Variants in ACO2 observed in about 807,000 individuals in gnomAD.
ACO2 encodes the protein aconitase 2.
In ACO2, 31 loss-of-function variants were observed where a neutral mutation model predicts 84.5. That is an observed-to-expected ratio of 0.37 (90% CI 0.28 to 0.50). The LOEUF (loss-of-function observed/expected upper bound fraction) is 0.50. Among genes scored for constraint, ACO2 ranks in the 20% least tolerant of loss-of-function variants. The pLI, the probability that ACO2 is intolerant of heterozygous loss-of-function variation, is 0.97. For missense variants in ACO2, 685 were observed against 1,029.3 expected (o/e 0.67, Z 4.58); for synonymous variants, 414 against 412.7 (o/e 1.00, Z -0.04).
intron 3 of ACO2, among the ~76,000 whole-genome samples, chr22:41,509,815 CTTTTT>C (rs137832): frequency 9.3e-6 from 1 of 107,900 alleles, no homozygotes; most frequent in Non-Finnish European, 1.8e-5. Context: ...AGAATATGGT[CTTTTT>C]TTTTTTTTTT....
At position 41,515,514 on chromosome 22, in the gene ACO2, C is replaced by T; in HGVS notation, c.663C>T (p.Pro221=). 6.2e-7 allele frequency: 1 copy of T among 1,612,586 alleles called. No homozygotes were observed. The highest frequency in any genetic ancestry group is 8.5e-7 in the Non-Finnish European group (1 of 1,179,270). ...CTGTGGATGTCATGGCTGGGATCCC[C>T]TGGGAGCTGAAGTGCCCCAAGGTGA... ...ADAVDVMAGI[P]WELKCPKVIG... is the part of the protein sequence containing the mutation. The change falls in exon 5 of 18, where the codon CCC becomes CCT. Residue 221 remains proline (P), a synonymous_variant. Coordinates refer to ENST00000216254, the MANE Select transcript of ACO2 (RefSeq NM_001098.3). The surrounding 1 kb of genome is among the most constrained non-coding windows in gnomAD (Gnocchi z 5.8).
chr22:41,516,049 G>A lies in ACO2; in HGVS notation c.835+132G>A, dbSNP rs1014400996. 10 of 1,170,216 alleles carry A rather than the reference G, an allele frequency of 8.5e-6. No homozygotes were observed. In the African/African-American group the frequency reaches 1.5e-4, roughly 18 times the overall value. The allele number at this position is 1,170,216 out of a possible 1,614,324, so 72.5% of individuals were successfully genotyped here. A position where few individuals can be genotyped will look rare whatever the true frequency, so the allele number is the denominator to read the frequency against. ...TCCATTTGGGGACTTGGGATAGACA[G>A]AGGTAGAAGGAAAATTGGAGACAGC... On this transcript the variant is annotated intron_variant, in intron 6 of 17. Coordinates refer to ENST00000216254, the MANE Select transcript of ACO2 (RefSeq NM_001098.3).
intron 1 of ACO2, among the ~76,000 whole-genome samples, chr22:41,483,129 A>T (rs759297337): frequency 3.9e-5 from 6 of 152,192 alleles, no homozygotes; most frequent in Non-Finnish European, 7.4e-5. Context: ...GGGCGCAGTG[A>T]AAGTATTTCT....
rs760882521 is a variant in ACO2 at position 41,507,901 on chromosome 22, G to T, written c.284G>T (p.Arg95Leu). ...GKSYLRLRPDRVAMQDATAQM... is the reference protein window; with the variant it reads ...GKSYLRLRPDLVAMQDATAQM... ...TCGTACCTGCGGCTGCGGCCGGACCGTGTGGCCATGCAGGATGCGACGGCC... is the reference window on the plus strand; with the variant it reads ...TCGTACCTGCGGCTGCGGCCGGACCTTGTGGCCATGCAGGATGCGACGGCC... Residue 95 changes from arginine to leucine, a missense_variant, in exon 3 of 18, where the codon CGT (arginine) becomes CTT (leucine). Arg to Leu is a moderately radical substitution (Grantham distance 102). Around this residue, in one of 5 missense-constraint regions of ACO2, gnomAD observed 92 missense variants for 203.7 expected, o/e 0.45. Transcript: ENST00000216254. 6.2e-7 allele frequency: 1 copy of T among 1,614,108 alleles called. No individual in the cohort carries two copies. Among genetic ancestry groups the T allele is most frequent in the Non-Finnish European group, 8.5e-7 (1 of 1,180,050 alleles).
chr22:41,507,802 C>T lies in ACO2; in HGVS notation c.185C>T (p.Pro62Leu), dbSNP rs759393809. 12 of 1,613,744 alleles carry T rather than the reference C, an allele frequency of 7.4e-6. No homozygotes were observed. Among genetic ancestry groups the T allele is most frequent in the East Asian group, 2.2e-5 (1 of 44,894 alleles). Residue 62 changes from proline (P) to leucine (L), a missense_variant, in exon 3 of 18, where the codon CCG becomes CTG. Coordinates refer to ENST00000216254, the MANE Select transcript of ACO2 (RefSeq NM_001098.3). ...TCTTCTCCCCACAGACTGAACCGGCCGCTGACACTCTCGGAGAAGATTGTG... is the reference window on the plus strand; with the variant it reads ...TCTTCTCCCCACAGACTGAACCGGCTGCTGACACTCTCGGAGAAGATTGTG... The part of the protein sequence containing the change: ...INIVRKRLNR[P>L]LTLSEKIVYG...
intron 3 of ACO2, among the ~76,000 whole-genome samples, chr22:41,509,938 C>T (rs748562599): frequency 3.4e-5 from 5 of 149,100 alleles, no homozygotes; most frequent in Admixed American, 6.9e-5. Flanking sequence ...TGGGTTCAAG[C>T]GATTCTCATG....
At chr22:41,486,492 A>G (rs2038158407) in intron 1 of ACO2, among the ~76,000 whole-genome samples, 1 of 134,528 alleles carries the variant, frequency 7.4e-6, no homozygotes, top group African/African-American at 3.1e-5. Context: ...TTTTTTTGAG[A>G]CGGAGTCTTA....
In ACO2 at chr22:41,520,328, G is replaced by T. The variant is rs373534563; in HGVS notation, c.1138+52G>T. The T allele has an allele frequency of 1.4e-4, 199 of 1,462,840 alleles. 1 individual carries two copies. The highest frequency in any genetic ancestry group is 1.8e-4 in the Non-Finnish European group (186 of 1,050,280). 90.6% of individuals were successfully genotyped at this position (1,462,840 alleles called of 1,614,324 possible). On this transcript the variant is annotated intron_variant, in intron 9 of 17. Coordinates refer to ENST00000216254, the MANE Select transcript of ACO2 (RefSeq NM_001098.3). ...AGCAGGTCTCAGGGCCAGTGGCTCT[G>T]CCCAGGGCTGTAGACAATCACCTAT...
intron 14 of ACO2, chr22:41,525,664 G>T: frequency 5.6e-6 from 2 of 355,956 alleles, no homozygotes; most frequent in Admixed American, 4.2e-5. Context: ...CTGGGACAGT[G>T]TGTGTGATTG....
At chr22:41,471,323 AT>A (rs1185241691) in intron 1 of ACO2, among the ~76,000 whole-genome samples, 1 of 152,192 alleles carries the variant, frequency 6.6e-6, no homozygotes, top group East Asian at 1.9e-4. Flanking sequence ...AATGAACAAT[AT>A]TATGCAGTTT....
intron 1 of ACO2, among the ~76,000 whole-genome samples, chr22:41,485,077 A>T (rs1199594204): frequency 1.3e-5 from 2 of 151,902 alleles, no homozygotes; most frequent in African/African-American, 4.8e-5. Context: ...AGGTTTCTCC[A>T]TGTTGGTCAG....
chr22:41,523,996 G>A (rs913043978), intron 12 of ACO2, 55 bp downstream of exon 12: 3 of 1,499,882 alleles, frequency 2.0e-6, no homozygotes, highest in Admixed American at 1.7e-5. Flanking sequence ...GTCCCTGGCG[G>A]GTCAGAGGAG....
At chr22:41,481,001 C>T (rs898596905) in intron 1 of ACO2, among the ~76,000 whole-genome samples, 7 of 152,074 alleles carry the variant, frequency 4.6e-5, no homozygotes, top group East Asian at 1.9e-4. Flanking sequence ...ATGGGGGTCT[C>T]GCTTTGTTGC....
intron 1 of ACO2, among the ~76,000 whole-genome samples, chr22:41,472,884 A>G (rs1473785086): frequency 6.6e-6 from 1 of 152,208 alleles, no homozygotes; most frequent in Non-Finnish European, 1.5e-5. Flanking sequence ...TTGCCTTGAG[A>G]TAACTGGGGT....
chr22:41,528,257 T>C, intron 17 of ACO2: 1 of 839,646 alleles, frequency 1.2e-6, no homozygotes. Flanking sequence ...GACCTGGCAC[T>C]CAGGGGACAG....
At chr22:41,496,316 A>G (rs909415718) in intron 1 of ACO2, among the ~76,000 whole-genome samples, 1 of 151,430 alleles carries the variant, frequency 6.6e-6, no homozygotes, top group African/African-American at 2.4e-5. Context: ...ACCCTGTCTC[A>G]AAAAAAAAGT....
chr22:41,527,256 GC>G (rs770391247), intron 15 of ACO2, 31 bp from the exon 16 acceptor site: 2 of 1,613,900 alleles, frequency 1.2e-6, no homozygotes, highest in Non-Finnish European at 1.7e-6. Flanking sequence ...GCCCTCCTCT[GC>G]CTTATAACCT....
intron 1 of ACO2, among the ~76,000 whole-genome samples, chr22:41,469,787 C>T (rs917267200): frequency 6.6e-6 from 1 of 151,956 alleles, no homozygotes; most frequent in African/African-American, 2.4e-5. Context: ...TTTAATTCTT[C>T]ATAATATTAT....
In ACO2 at chr22:41,526,403, GC is replaced by G; in HGVS notation, c.1905del (p.Val636SerfsTer24). 1 of 1,613,874 alleles carries G rather than the reference GC, an allele frequency of 6.2e-7. No homozygotes were observed. The highest frequency in any genetic ancestry group is 8.5e-7 in the Non-Finnish European group (1 of 1,180,006). On this transcript the variant is annotated frameshift_variant, in exon 15 of 18. Transcript: ENST00000216254. LOFTEE classifies it high-confidence loss of function. The part of the protein sequence containing the change: ...ENGKANSVRN[A>X]VTQEFGPVPD... Reference sequence around the variant, plus strand: ...CGGCAAGGCCAACTCCGTGCGCAATGCCGTCACTCAGGAGTTTGGCCCCGTC... The same window carrying G: ...CGGCAAGGCCAACTCCGTGCGCAATGCGTCACTCAGGAGTTTGGCCCCGTC...
Sources: allele counts gnomAD v4.1 joint callset (sites outside exome capture counted in the v4.1 genomes callset), GRCh38; gene constraint gnomAD v4.1.1; regional missense constraint gnomAD v4.1.1; non-coding constraint Gnocchi (gnomAD v3.1); transcripts MANE v1.5; gene names NCBI Gene and HGNC (gene_info 2026-07-23, HGNC 2026-07-21).